The following ZNF106 variants were observed in gnomAD, a reference collection of about 807,000 sequenced individuals.
The protein encoded by ZNF106 is SH3-domain binding protein 3.
Under a neutral mutation model 195.1 loss-of-function variants are expected in ZNF106, and 67 were observed. The observed-to-expected ratio is 0.34, with a 90% CI of 0.28 to 0.42. ZNF106 has a LOEUF of 0.42. Among genes scored for constraint, ZNF106 ranks in the 10% least tolerant of loss-of-function variants. The probability of loss-of-function intolerance (pLI) is 1.00; values close to 1 mark genes in which losing one functional copy is unlikely to be tolerated. For missense variants in ZNF106, 2,118 were observed against 2,304.5 expected, an observed-to-expected ratio of 0.92 and a Z score of 1.66; for synonymous variants, 784 against 818.6, an observed-to-expected ratio of 0.96 and a Z score of 0.72.
chr15:42,445,308 T>C (rs554432286), intron 7 of ZNF106, among the ~76,000 whole-genome samples: 1 of 152,326 alleles, frequency 6.6e-6, no homozygotes, highest in Non-Finnish European at 1.5e-5. Context: ...TTCCCATTCT[T>C]CCTTTATCTA....
intron 4 of ZNF106, among the ~76,000 whole-genome samples, chr15:42,456,655 TAA>T (rs139288961): frequency 6.0e-5 from 8 of 133,104 alleles, no homozygotes; most frequent in African/African-American, 5.6e-5. Context: ...GACTCCATCT[TAA>T]AAAAAAAAAA....
intron 3 of ZNF106, among the ~76,000 whole-genome samples, chr15:42,459,318 A>T (rs1248628201): frequency 1.3e-5 from 2 of 152,050 alleles, no homozygotes; most frequent in Non-Finnish European, 2.9e-5. Context: ...TCTACTAAAA[A>T]TACAAAAATT....
intron 15 of ZNF106, among the ~76,000 whole-genome samples, chr15:42,427,184 T>C (rs2054890380): frequency 6.6e-6 from 1 of 152,214 alleles, no homozygotes; most frequent in Admixed American, 6.5e-5. Flanking sequence ...TTTAACCTTT[T>C]TCATGTCAGC....
intron 19 of ZNF106, 129 bp from the exon 20 acceptor site, chr15:42,421,261 GAGC>G: frequency 2.4e-6 from 2 of 821,526 alleles, no homozygotes; most frequent in South Asian, 2.9e-5. Flanking sequence ...ACCAGCTCCA[GAGC>G]AGGAGAATGG....
Position 42,417,309 on chromosome 15 carries a change from A to T in ZNF106, c.5716T>A (p.Ser1906Thr). The part of the protein sequence containing the change: ...RHAEDDSKID[S>T] ...AACGTGGGAGGCAAAAAACTTCATG[A>T]ATCAATTTTGCTGTCATCTTCAGCA... Residue 1906 changes from serine (S) to threonine (T), a missense_variant, in exon 22 of 22, where the codon TCA becomes ACA. By Grantham distance (58) the Ser-to-Thr change is moderately conservative. Coordinates refer to ENST00000564754, the MANE Select transcript of ZNF106 (RefSeq NM_001366845.3). 6.2e-7 allele frequency: 1 copy of T among 1,614,060 alleles called. No homozygotes were observed. The highest frequency in any genetic ancestry group is 8.5e-7 in the Non-Finnish European group (1 of 1,179,974).
intron 9 of ZNF106, among the ~76,000 whole-genome samples, chr15:42,443,935 G>A (rs561739888): frequency 4.0e-5 from 6 of 151,808 alleles, no homozygotes; most frequent in Non-Finnish European, 5.9e-5. Context: ...GGCGAACCCT[G>A]TAACCCTGTC....
intron 1 of ZNF106, among the ~76,000 whole-genome samples, chr15:42,481,136 A>G (rs1300759104): frequency 6.6e-6 from 1 of 152,032 alleles, no homozygotes; most frequent in Non-Finnish European, 1.5e-5. Context: ...TTTGTGCTAT[A>G]GTAATTTTTT....
rs2054343523 is a variant in ZNF106 at position 42,413,625 on chromosome 15, T to G, written c.*3679A>C. ...GCCTCATCACTAAAGTTGTCCCTTG[T>G]ATAATCTACCAGCAAAAAGACAAAA... On this transcript the variant is annotated 3_prime_UTR_variant, in exon 22 of 22. Coordinates refer to ENST00000564754, the MANE Select transcript of ZNF106 (RefSeq NM_001366845.3). The G allele has an allele frequency of 6.6e-6, 1 of 152,648 alleles. No individual in the cohort carries two copies. The highest frequency in any genetic ancestry group is 1.5e-5 in the Non-Finnish European group (1 of 68,042). 9.5% of individuals were successfully genotyped at this position (152,648 alleles called of 1,614,324 possible).
At chr15:42,421,220 C>T (rs1441042334) in intron 19 of ZNF106, 88 bp from the exon 20 acceptor site, 3 of 1,221,638 alleles carry the variant, frequency 2.5e-6, no homozygotes, top group East Asian at 2.3e-5. Flanking sequence ...CTCCTTGCAG[C>T]AGCTACAAGA....
chr15:42,490,883 G>A (rs1051621654), intron 1 of ZNF106, 97 bp downstream of exon 1: 1 of 152,370 alleles, frequency 6.6e-6, no homozygotes, highest in East Asian at 1.9e-4. Context: ...GTAGAAACCC[G>A]GTGGTGTCTT....
chr15:42,481,235 T>C (rs372012474), intron 1 of ZNF106, among the ~76,000 whole-genome samples: 3 of 152,112 alleles, frequency 2.0e-5, no homozygotes, highest in Non-Finnish European at 4.4e-5. Context: ...CAACTTTCCA[T>C]CTGGTATCAT....
chr15:42,422,269 T>A (rs1234175548), intron 18 of ZNF106, among the ~76,000 whole-genome samples: 2 of 152,058 alleles, frequency 1.3e-5, no homozygotes, highest in East Asian at 1.9e-4. Flanking sequence ...TTTAAGAGAC[T>A]GGAGTTGCTC....
chr15:42,452,681 CTTTT>C (rs1322441388), intron 4 of ZNF106, among the ~76,000 whole-genome samples: 5 of 101,900 alleles, frequency 4.9e-5, no homozygotes, highest in South Asian at 3.6e-4. Context: ...CTATAGTTAT[CTTTT>C]TTTTTTTTTT....
At position 42,440,999 on chromosome 15, in the gene ZNF106, ATATATATATATAT is replaced by A. The variant is rs1179386674; in HGVS notation, c.3763+1061_3763+1073del. Among the ~76,000 whole-genome samples the A allele has an allele frequency of 6.5e-4, 21 of 32,176 alleles. 1 individual carries two copies. Among genetic ancestry groups the A allele is most frequent in the Middle Eastern group, 0.031 (1 of 32 alleles). The allele number at this position is 32,176 out of a possible 152,430, so 21.1% of individuals were successfully genotyped here. ...AACTCTGTCTAAAAAAAAAAAAAAAATATATATATATATATATATATATATATATATATATATA... is the reference window on the plus strand; with the variant it reads ...AACTCTGTCTAAAAAAAAAAAAAAAAATATATATATATATATATATATATA... On this transcript the variant is annotated intron_variant, in intron 10 of 21. Transcript: ENST00000564754.
At position 42,451,070 on chromosome 15, in the gene ZNF106, G is replaced by C; in HGVS notation, c.1202C>G (p.Pro401Arg). 1 of 1,614,162 alleles carries C rather than the reference G, an allele frequency of 6.2e-7. No individual in the cohort carries two copies. Among genetic ancestry groups the C allele is most frequent in the Admixed American group, 1.7e-5 (1 of 60,018 alleles). The stretch of plus-strand genomic sequence containing the variant: ...AGTTATCAAGCTAAAATCAAAGAGA[G>C]GTTTCTCTATCATTTCTGACTTGTT... The part of the protein sequence containing the change: ...TGNKSEMIEK[P>R]LFDFSLITTG... Residue 401 changes from proline (P) to arginine (R), a missense_variant, in exon 5 of 22, where the codon CCT (proline) becomes CGT (arginine). Physicochemically the swap from Pro to Arg is moderately radical, Grantham distance 103 (BLOSUM62 -2). Coordinates refer to ENST00000564754, the MANE Select transcript of ZNF106 (RefSeq NM_001366845.3).
chr15:42,429,870 A>C (rs962953247), intron 14 of ZNF106, among the ~76,000 whole-genome samples: 4 of 152,182 alleles, frequency 2.6e-5, no homozygotes, highest in Admixed American at 2.6e-4. Context: ...AGCTAAAGCT[A>C]GACATAAAAG....
chr15:42,481,219 A>C (rs1027178086), intron 1 of ZNF106, among the ~76,000 whole-genome samples: 2 of 152,098 alleles, frequency 1.3e-5, no homozygotes, highest in African/African-American at 2.4e-5. Context: ...TTGTTTTCTG[A>C]AGATTCAACT....
chr15:42,472,133 C>T lies in ZNF106; in HGVS notation c.54+103G>A, dbSNP rs1192682738. 4.7e-6 allele frequency: 5 copies of T among 1,074,662 alleles called. No homozygotes were observed. In the East Asian group the frequency reaches 1.4e-4, roughly 30 times the overall value. 66.6% of individuals were successfully genotyped at this position (1,074,662 alleles called of 1,614,324 possible). A position where few individuals can be genotyped will look rare whatever the true frequency, so the allele number is the denominator to read the frequency against. On this transcript the variant is annotated intron_variant, in intron 2 of 21. Coordinates refer to ENST00000564754, the MANE Select transcript of ZNF106 (RefSeq NM_001366845.3). The stretch of plus-strand genomic sequence containing the variant: ...TAAATAAGACATTGTCAAAGCTTTT[C>T]CTATTAATAACATATGTCTATTAAT...
At chr15:42,477,952 TAAC>T (rs2056818922) in intron 1 of ZNF106, among the ~76,000 whole-genome samples, 1 of 151,956 alleles carries the variant, frequency 6.6e-6, no homozygotes, top group Non-Finnish European at 1.5e-5. Context: ...TTGTCACAAT[TAAC>T]AAACCAATAT....
Sources: allele counts gnomAD v4.1 joint callset (sites outside exome capture counted in the v4.1 genomes callset), GRCh38; gene constraint gnomAD v4.1.1; transcripts MANE v1.5; gene names NCBI Gene and HGNC (gene_info 2026-07-23, HGNC 2026-07-21).